The following HCN2 variants were observed in gnomAD, a reference collection of about 807,000 sequenced individuals.
The protein encoded by HCN2 is hyperpolarization activated cyclic nucleotide gated potassium and sodium channel 2.
HCN2 carries 20 observed loss-of-function variants against 52.3 expected under a neutral mutation model. That is an observed-to-expected ratio of 0.38 (90% CI 0.27 to 0.56). The LOEUF (loss-of-function observed/expected upper bound fraction) is 0.56, where lower values mean the gene tolerates loss of function less well. Among genes scored for constraint, HCN2 ranks in the 20% least tolerant of loss-of-function variants. The pLI is 0.71. For synonymous variants in HCN2, 694 were observed against 537.0 expected (o/e 1.29, Z -4.04); for missense variants, 981 against 1,207.7 (o/e 0.81, Z 2.78).
intron 6 of HCN2, among the ~76,000 whole-genome samples, 162 bp downstream of exon 6, chr19:613,650 T>TCC (rs1983757384): frequency 4.5e-4 from 3 of 6,710 alleles, no homozygotes; most frequent in Non-Finnish European, 8.7e-4. Flanking sequence ...GGGATGGGGA[T>TCC]GGGGATGGGG....
intron 5 of HCN2, among the ~76,000 whole-genome samples, chr19:610,866 GTCCT>G (rs1983603027): frequency 6.6e-6 from 1 of 152,138 alleles, no homozygotes; most frequent in Non-Finnish European, 1.5e-5. Flanking sequence ...GCCTCCCACC[GTCCT>G]GGAGGCCGGA....
intron 3 of HCN2, among the ~76,000 whole-genome samples, chr19:605,830 G>C (rs1475834677): frequency 6.7e-6 from 1 of 149,066 alleles, no homozygotes; most frequent in South Asian, 2.1e-4. Context: ...CAGAGGGAGA[G>C]ACACAGGCCC....
At chr19:614,577 C>G (rs1983815985) in intron 7 of HCN2, among the ~76,000 whole-genome samples, 1 of 152,134 alleles carries the variant, frequency 6.6e-6, no homozygotes, top group African/African-American at 2.4e-5. Context: ...ACAGCACATC[C>G]CAAGGCCCTG....
intron 5 of HCN2, among the ~76,000 whole-genome samples, chr19:611,303 G>T (rs995824188): frequency 6.6e-6 from 1 of 152,250 alleles, no homozygotes; most frequent in African/African-American, 2.4e-5. Flanking sequence ...GGGGCCTAGG[G>T]ATGGCGGCCG....
intron 7 of HCN2, among the ~76,000 whole-genome samples, chr19:614,297 C>A (rs903116848): frequency 1.1e-4 from 17 of 152,270 alleles, no homozygotes; most frequent in Non-Finnish European, 4.4e-5. Context: ...CAGCCTGTTT[C>A]CCAAGGGAGG....
chr19:606,060 A>T (rs1983417256), intron 3 of HCN2, among the ~76,000 whole-genome samples: 2 of 152,034 alleles, frequency 1.3e-5, no homozygotes, highest in South Asian at 4.1e-4. Flanking sequence ...TTTCCAATGG[A>T]TTTCCCTTTT....
intron 7 of HCN2, among the ~76,000 whole-genome samples, chr19:615,536 C>G (rs534600425): frequency 6.6e-6 from 1 of 152,320 alleles, no homozygotes; most frequent in African/African-American, 2.4e-5. Flanking sequence ...AAACAAAAGC[C>G]CTGCTTTCTG....
chr19:605,270 A>G (rs1055666967), intron 3 of HCN2, 48 bp downstream of exon 3: 1 of 1,588,428 alleles, frequency 6.3e-7, no homozygotes, highest in African/African-American at 1.3e-5. Flanking sequence ...GCTCCCATAC[A>G]GAGGGGGGAC....
At chr19:612,393 G>GGTGTGTGGGTGT (rs1983675013) in intron 5 of HCN2, among the ~76,000 whole-genome samples, 1 of 141,770 alleles carries the variant, frequency 7.1e-6, no homozygotes, top group South Asian at 2.3e-4. Context: ...GCTTTCCACT[G>GGTGTGTGGGTGT]GTGTGTGTGT....
intron 1 of HCN2, among the ~76,000 whole-genome samples, chr19:595,177 G>A (rs1007191759): frequency 3.9e-5 from 6 of 152,016 alleles, no homozygotes; most frequent in African/African-American, 1.5e-4. Flanking sequence ...ACTCCGGCCC[G>A]GGAAACAGAG....
chr19:604,376 T>C (rs1364742902), intron 2 of HCN2, among the ~76,000 whole-genome samples: 1 of 97,196 alleles, frequency 1.0e-5, no homozygotes, highest in Non-Finnish European at 2.1e-5. Context: ...AATGGTGCAG[T>C]GGTAGAGCCA....
chr19:615,725 G>A, intron 7 of HCN2, 70 bp from the exon 8 acceptor site: 1 of 1,514,184 alleles, frequency 6.6e-7, no homozygotes, highest in South Asian at 1.1e-5. Flanking sequence ...GCGGTGCAGA[G>A]TAGGTGCTCG....
At chr19:602,003 G>A (rs1256818989) in intron 1 of HCN2, among the ~76,000 whole-genome samples, 1 of 151,438 alleles carries the variant, frequency 6.6e-6, no homozygotes, top group South Asian at 2.1e-4. Flanking sequence ...TGCCAAGTCC[G>A]GCTCGGCCGT....
rs1426212293 is a variant in HCN2, at chr19:616,190, G to T, written c.2386G>T (p.Gly796Cys). The T allele has an allele frequency of 8.7e-5, 84 of 965,340 alleles. 1 individual carries two copies. The East Asian group carries it at 4.6e-3, about 53-fold the overall frequency. 59.8% of individuals were successfully genotyped at this position (965,340 alleles called of 1,614,324 possible). Reference protein sequence around the residue: ...SPRAPRTSPYGGLPAAPLAGP... With the variant: ...SPRAPRTSPYCGLPAAPLAGP... ...CCGGGCACCGCGGACCTCGCCCTAC[G>T]GCGGCCTGCCCGCCGCCCCCCTTGC... is the stretch of plus-strand genomic sequence containing the variant. Residue 796 changes from glycine (G) to cysteine (C), a missense_variant, in exon 8 of 8, where the codon GGC becomes TGC. Gly to Cys is a radical substitution (Grantham distance 159, BLOSUM62 -3). Coordinates refer to ENST00000251287, the MANE Select transcript of HCN2 (RefSeq NM_001194.4).
chr19:589,936 C>A lies in HCN2; in HGVS notation c.-10C>A, dbSNP rs1281051888. ...CGGCTCCGCTCCGCACTGCCCGGCG[C>A]CGCCTCGCCATGGACGCGCGCGGGG... On this transcript the variant is annotated 5_prime_UTR_variant, in exon 1 of 8. Transcript: ENST00000251287. The A allele has an allele frequency of 5.4e-5, 51 of 937,558 alleles. No homozygotes were observed. The highest frequency in any genetic ancestry group is 6.4e-5 in the Non-Finnish European group (51 of 798,236). The allele number at this position is 937,558 out of a possible 1,614,324, so 58.1% of individuals were successfully genotyped here. A position where few individuals can be genotyped will look rare whatever the true frequency, so the allele number is the denominator to read the frequency against.
At chr19:612,393 G>GGTGGGTGTGTGTGTGTGT (rs1215986490) in intron 5 of HCN2, among the ~76,000 whole-genome samples, 58 of 141,870 alleles carry the variant, frequency 4.1e-4, no homozygotes, top group Non-Finnish European at 6.8e-4. Flanking sequence ...GCTTTCCACT[G>GGTGGGTGTGTGTGTGTGT]GTGTGTGTGT....
rs34397648 is a variant in HCN2 at position 610,273 on chromosome 19, G to A, written c.1452G>A (p.Glu484=). The A allele has an allele frequency of 0.12, 194,932 of 1,612,308 alleles. 12,550 individuals carry two copies. The highest frequency in any genetic ancestry group is 0.13 in the South Asian group (12,089 of 91,044). Residue 484 remains glutamate, a synonymous_variant, in exon 5 of 8, where the codon GAG becomes GAA. Transcript: ENST00000251287. ...RQYQEKYKQV[E]QYMSFHKLPA... ...CCTCCCCACAGTACAAGCAGGTGGA[G>A]CAGTACATGTCCTTCCACAAGCTGC...
At chr19:602,414 T>TTCCTCCTCTCCTGCGTGGACGCCCCACC (rs1983236276) in intron 1 of HCN2, among the ~76,000 whole-genome samples, 1 of 144,142 alleles carries the variant, frequency 6.9e-6, no homozygotes, top group African/African-American at 2.8e-5. Flanking sequence ...GACGCCCCAC[T>TTCCTCCTCTCCTGCGTGGACGCCCCACC]TCCTCCTCTC....
intron 5 of HCN2, among the ~76,000 whole-genome samples, 157 bp from the exon 6 acceptor site, chr19:613,091 C>T (rs114094185): frequency 0.039 from 6,012 of 152,250 alleles, 138 homozygotes; most frequent in African/African-American, 0.067. Flanking sequence ...TTCTTTCTCC[C>T]GTCCTTGGCG....
Sources: gnomAD v4.1 joint callset for allele counts (sites outside exome capture counted in the v4.1 genomes callset) on GRCh38, gnomAD v4.1.1 for gene constraint, MANE v1.5 for transcripts, NCBI Gene and HGNC (gene_info 2026-07-23, HGNC 2026-07-21) for gene names.